Variants in SLC44A3 observed in about 807,000 individuals in gnomAD.
The protein encoded by SLC44A3 is solute carrier family 44 member 3, also known as choline transporter-like protein 3.
Under a neutral mutation model 75.4 loss-of-function variants are expected in SLC44A3, and 74 were observed. The observed-to-expected ratio is 0.98, with a 90% confidence interval of 0.81 to 1.19. SLC44A3 has a LOEUF of 1.19. Ranked by LOEUF, SLC44A3 falls within the 50% of genes most tolerant of loss-of-function variation. The probability of loss-of-function intolerance (pLI) is 0.00; values close to 1 mark genes in which losing one functional copy is unlikely to be tolerated. For synonymous variants in SLC44A3, 310 were observed against 296.9 expected, an observed-to-expected ratio of 1.04 and a Z score of -0.45; for missense variants, 700 against 778.6, an observed-to-expected ratio of 0.90 and a Z score of 1.20.
rs530041727 is a variant in SLC44A3, at chr1:94,853,533, G to A, written c.1073-3802G>A. 1.9e-4 allele frequency among the ~76,000 whole-genome samples: 29 copies of A among 152,316 alleles called. No homozygotes were observed. In the South Asian group the frequency reaches 6.0e-3, roughly 32 times the overall value. ...TTATTGAAGAGTTATGTTCACACAG[G>A]TTAGAAAGAATGGGATCTGGTGAAG... On this transcript the variant is annotated intron_variant, in intron 9 of 14. Transcript: ENST00000271227.
chr1:94,891,143 C>T lies in SLC44A3; in HGVS notation c.1496C>T (p.Thr499Ile). ...LLHLNQNAYT[T>I]TAINGTDFCT... is the part of the protein sequence containing the mutation. ...CTTCTGTTTCAGAATGCATATACTA[C>T]AACTGCTATTAATGGGACAGATTTC... is the stretch of plus-strand genomic sequence containing the variant. The change falls in exon 13 of 15, where the codon ACA becomes ATA. Residue 499 changes from threonine (T) to isoleucine (I), a missense_variant. Coordinates refer to ENST00000271227, the MANE Select transcript of SLC44A3 (RefSeq NM_001114106.3). 1 of 1,607,488 alleles carries T rather than the reference C, an allele frequency of 6.2e-7. No homozygotes were observed. Among genetic ancestry groups the T allele is most frequent in the South Asian group, 1.1e-5 (1 of 90,112 alleles).
intron 10 of SLC44A3, among the ~76,000 whole-genome samples, chr1:94,861,502 CATATT>C (rs1666568289): frequency 1.3e-5 from 2 of 152,188 alleles, no homozygotes; most frequent in African/African-American, 4.8e-5. Context: ...AGACACTTTA[CATATT>C]ACTTTGATTA....
chr1:94,851,759 G>A (rs1421099441), intron 9 of SLC44A3, among the ~76,000 whole-genome samples: 1 of 152,212 alleles, frequency 6.6e-6, no homozygotes, highest in East Asian at 1.9e-4. Flanking sequence ...CAGCAGGCTG[G>A]GGCTGGCAGG....
chr1:94,875,037 A>T (rs990191943), intron 12 of SLC44A3, among the ~76,000 whole-genome samples: 1 of 152,220 alleles, frequency 6.6e-6, no homozygotes, highest in Admixed American at 6.5e-5. Flanking sequence ...CCTGAATCAG[A>T]ATGACCAACC....
Position 94,837,872 on chromosome 1 carries a change from G to T in SLC44A3, c.670+1G>T. 1 of 1,586,578 alleles carries T rather than the reference G, an allele frequency of 6.3e-7. No individual in the cohort carries two copies. The highest frequency in any genetic ancestry group is 8.6e-7 in the Non-Finnish European group (1 of 1,169,064). On this transcript the variant is annotated splice_donor_variant, in intron 6 of 14. Coordinates refer to ENST00000271227, the MANE Select transcript of SLC44A3 (RefSeq NM_001114106.3). LOFTEE classifies it high-confidence loss of function. ...CTTGGCCTGTGTATCCTCGCATTAG[G>T]TAATTCTCAGTTAAGTTAATTTTAA...
At chr1:94,863,068 CT>C (rs990182965) in intron 10 of SLC44A3, among the ~76,000 whole-genome samples, 3 of 151,908 alleles carry the variant, frequency 2.0e-5, no homozygotes, top group African/African-American at 4.8e-5. Flanking sequence ...CTTCATTAGC[CT>C]TTTTTTTCTG....
At chr1:94,884,030 GTTTGAT>G (rs1669291520) in intron 12 of SLC44A3, among the ~76,000 whole-genome samples, 1 of 5,082 alleles carries the variant, frequency 2.0e-4, no homozygotes, top group Non-Finnish European at 5.0e-3. Flanking sequence ...TCTCTGTGTT[GTTTGAT>G]TTTTTTAAGA....
intron 5 of SLC44A3, among the ~76,000 whole-genome samples, chr1:94,836,119 T>C (rs2101014183): frequency 6.6e-6 from 1 of 152,342 alleles, no homozygotes; most frequent in South Asian, 2.1e-4. Context: ...CAATGAAATC[T>C]TTTAACATTT....
At chr1:94,833,593 C>T (rs2100995453) in intron 5 of SLC44A3, among the ~76,000 whole-genome samples, 1 of 152,252 alleles carries the variant, frequency 6.6e-6, no homozygotes, top group South Asian at 2.1e-4. Context: ...CTCTTAACTC[C>T]CCAGCTGTAG....
intron 2 of SLC44A3, among the ~76,000 whole-genome samples, chr1:94,823,301 T>C (rs1486840597): frequency 6.6e-6 from 1 of 152,170 alleles, no homozygotes; most frequent in South Asian, 2.1e-4. Context: ...GCCAGCCACA[T>C]TGGCAAACAG....
intron 5 of SLC44A3, among the ~76,000 whole-genome samples, chr1:94,830,800 T>C (rs1200358565): frequency 6.6e-6 from 1 of 152,190 alleles, no homozygotes; most frequent in Non-Finnish European, 1.5e-5. Flanking sequence ...ACTCTCTTCT[T>C]ACTATAAATG....
intron 12 of SLC44A3, among the ~76,000 whole-genome samples, chr1:94,881,150 T>C (rs573383583): frequency 6.2e-4 from 95 of 152,336 alleles, no homozygotes; most frequent in African/African-American, 2.2e-3. Flanking sequence ...ACGATAGTTA[T>C]TCCCAGCAGC....
chr1:94,886,803 G>A (rs902422174), intron 12 of SLC44A3, among the ~76,000 whole-genome samples: 4 of 152,116 alleles, frequency 2.6e-5, no homozygotes, highest in African/African-American at 9.7e-5. Flanking sequence ...ACCTGTACCT[G>A]GAGGGAGTCT....
At chr1:94,888,003 T>G (rs969347425) in intron 12 of SLC44A3, among the ~76,000 whole-genome samples, 2 of 152,184 alleles carry the variant, frequency 1.3e-5, no homozygotes, top group African/African-American at 4.8e-5. Context: ...TAATAACCAC[T>G]CTTTATTACA....
At chr1:94,873,718 T>A (rs918791899) in intron 12 of SLC44A3, among the ~76,000 whole-genome samples, 11 of 152,178 alleles carry the variant, frequency 7.2e-5, no homozygotes, top group Non-Finnish European at 5.9e-5. Flanking sequence ...CTTTTCCACA[T>A]CAGGTTTGGT....
chr1:94,879,666 C>T (rs1456257083), intron 12 of SLC44A3, among the ~76,000 whole-genome samples: 6 of 151,372 alleles, frequency 4.0e-5, no homozygotes, highest in Admixed American at 1.3e-4. Flanking sequence ...GGTGAAACCC[C>T]GTCTCTACTA....
rs569964932 is a variant in SLC44A3 at position 94,878,104 on chromosome 1, G to T, written c.1482+10687G>T. Among the ~76,000 whole-genome samples, 7 of 152,178 alleles carry T rather than the reference G, an allele frequency of 4.6e-5. No homozygotes were observed. In the East Asian group the frequency reaches 9.7e-4, roughly 21 times the overall value. On this transcript the variant is annotated intron_variant, in intron 12 of 14. Coordinates refer to ENST00000271227, the MANE Select transcript of SLC44A3 (RefSeq NM_001114106.3). ...AAAAAATTAGCCGGGCGAGGTGGCG[G>T]GCGCCTGTAGTCCCAGCTACTCGGG...
At chr1:94,827,357 T>A in intron 3 of SLC44A3, 150 bp from the exon 4 acceptor site, 1 of 913,966 alleles carries the variant, frequency 1.1e-6, no homozygotes, top group Non-Finnish European at 1.7e-6. Flanking sequence ...CCAGTAGGCA[T>A]CATAAATGTT....
chr1:94,889,790 A>G (rs961823920), intron 12 of SLC44A3, among the ~76,000 whole-genome samples: 7 of 152,316 alleles, frequency 4.6e-5, no homozygotes, highest in African/African-American at 1.7e-4. Context: ...CTTATTATAC[A>G]AAGAAAAAAG....
Sources: gnomAD v4.1 joint callset for allele counts (sites outside exome capture counted in the v4.1 genomes callset) on GRCh38, gnomAD v4.1.1 for gene constraint, MANE v1.5 for transcripts, NCBI Gene and HGNC (gene_info 2026-07-23, HGNC 2026-07-21) for gene names.